NELFB: variants seen among roughly 807,000 people sequenced by gnomAD.
NELFB encodes negative elongation factor B.
NELFB carries 34 observed loss-of-function variants against 60.2 expected under a neutral mutation model. The observed-to-expected ratio is 0.56, with a 90% CI of 0.43 to 0.75. The LOEUF (loss-of-function observed/expected upper bound fraction) is 0.75, where lower values mean the gene tolerates loss of function less well. Among genes scored for constraint, NELFB ranks in the 30% least tolerant of loss-of-function variants. The pLI, the probability that NELFB is intolerant of heterozygous loss-of-function variation, is 0.00. For synonymous variants in NELFB, 459 were observed against 382.1 expected, an observed-to-expected ratio of 1.20 and a Z score of -2.35; for missense variants, 770 against 831.6, an observed-to-expected ratio of 0.93 and a Z score of 0.91.
intron 6 of NELFB, 120 bp downstream of exon 6, chr9:137,264,477 T>G (rs1411475987): frequency 4.0e-6 from 3 of 743,662 alleles, no homozygotes; most frequent in Non-Finnish European, 6.6e-6. Flanking sequence ...TTTCTTTTGT[T>G]TTTTTCGAGA....
At chr9:137,257,899 C>T (rs1837582239) in intron 4 of NELFB, among the ~76,000 whole-genome samples, 2 of 151,734 alleles carry the variant, frequency 1.3e-5, no homozygotes, top group South Asian at 4.2e-4. Flanking sequence ...GCTTTGACTT[C>T]CTGAGCTAAA....
intron 6 of NELFB, among the ~76,000 whole-genome samples, chr9:137,265,060 A>G (rs1470165771): frequency 1.7e-5 from 2 of 117,190 alleles, no homozygotes; most frequent in Admixed American, 1.0e-4. Flanking sequence ...TTTTTCTGAG[A>G]CAGGGTCTCT....
At position 137,255,552 on chromosome 9, in the gene NELFB, G is replaced by C. The variant is rs1267945847; in HGVS notation, c.187G>C (p.Asp63His). The change falls in exon 1 of 13, where the codon GAC (aspartate) becomes CAC (histidine). Residue 63 changes from aspartate (D) to histidine (H), a missense_variant. Transcript: ENST00000343053. ...GGACCTGGGCGTGGCCAACGGCGAGGACCTGAAGGAGACCCTGACCAACTG... is the reference window on the plus strand; with the variant it reads ...GGACCTGGGCGTGGCCAACGGCGAGCACCTGAAGGAGACCCTGACCAACTG... The C allele has an allele frequency of 1.4e-5, 21 of 1,549,106 alleles. No individual in the cohort carries two copies. The highest frequency in any genetic ancestry group is 1.7e-5 in the Non-Finnish European group (20 of 1,146,920).
intron 1 of NELFB, 27 bp from the exon 2 acceptor site, chr9:137,255,880 G>GT: frequency 6.2e-7 from 1 of 1,610,572 alleles, no homozygotes; most frequent in South Asian, 1.1e-5. Context: ...ACTGGGCTGC[G>GT]TTTGAGGTTT....
At chr9:137,261,583 G>A (rs890152524) in intron 4 of NELFB, among the ~76,000 whole-genome samples, 1 of 151,612 alleles carries the variant, frequency 6.6e-6, no homozygotes, top group Admixed American at 6.6e-5. Flanking sequence ...GCTTGAATCC[G>A]GGAGGTGGAG....
chr9:137,259,642 T>TTTTTA (rs901200094), intron 4 of NELFB, among the ~76,000 whole-genome samples: 1 of 151,470 alleles, frequency 6.6e-6, no homozygotes, highest in Admixed American at 6.6e-5. Flanking sequence ...TTCTCTTTTA[T>TTTTTA]TTTTATTTTA....
In NELFB at chr9:137,256,044, C is replaced by A. The variant is rs1180059248; in HGVS notation, c.384C>A (p.Ile128=). 1 of 1,613,666 alleles carries A rather than the reference C, an allele frequency of 6.2e-7. No individual in the cohort carries two copies. Among genetic ancestry groups the A allele is most frequent in the East Asian group, 2.2e-5 (1 of 44,874 alleles). ...AGCTGCTGGAGCGAGTGTCAGCCATCGCTTCGGAGGGGAAGGCTGAGGAAA... is the reference window on the plus strand; with the variant it reads ...AGCTGCTGGAGCGAGTGTCAGCCATAGCTTCGGAGGGGAAGGCTGAGGAAA... Residue 128 remains isoleucine (I), a synonymous_variant, in exon 2 of 13, where the codon ATC becomes ATA. Coordinates refer to ENST00000343053, the MANE Select transcript of NELFB (RefSeq NM_015456.5).
At chr9:137,258,621 T>G (rs9330196) in intron 4 of NELFB, among the ~76,000 whole-genome samples, 103,882 of 151,216 alleles carry the variant, frequency 0.69, 36,319 homozygotes, top group Admixed American at 0.77. Context: ...GCTAATTTTT[T>G]TATTTTTTTG....
chr9:137,270,417 C>A (rs193101517), intron 10 of NELFB, among the ~76,000 whole-genome samples: 1 of 150,772 alleles, frequency 6.6e-6, no homozygotes, highest in Non-Finnish European at 1.5e-5. Flanking sequence ...ATGGTGGAAT[C>A]CCATCTCTAT....
At chr9:137,271,902 C>T (rs1282392301) in intron 10 of NELFB, among the ~76,000 whole-genome samples, 179 bp from the exon 11 acceptor site, 1 of 151,564 alleles carries the variant, frequency 6.6e-6, no homozygotes, top group East Asian at 1.9e-4. Flanking sequence ...CCCTGCCTGC[C>T]TCTGTCCACT....
In NELFB at chr9:137,272,818, G is replaced by A. The variant is rs1414606352; in HGVS notation, c.1777G>A (p.Gly593Ser). 15 of 1,549,864 alleles carry A rather than the reference G, an allele frequency of 9.7e-6. No individual in the cohort carries two copies. Among genetic ancestry groups the A allele is most frequent in the East Asian group, 4.9e-5 (2 of 40,924 alleles). ...AGTGAAGGAGCTTTACTCCCAGCTCGGCGAGAAGCTGGAACAGCTGGATCA... is the reference window on the plus strand; with the variant it reads ...AGTGAAGGAGCTTTACTCCCAGCTCAGCGAGAAGCTGGAACAGCTGGATCA... The change falls in exon 13 of 13, where the codon GGC becomes AGC. Residue 593 changes from glycine (G) to serine (S), a missense_variant. Coordinates refer to ENST00000343053, the MANE Select transcript of NELFB (RefSeq NM_015456.5).
chr9:137,270,784 G>A (rs762362829), intron 10 of NELFB, among the ~76,000 whole-genome samples: 2 of 151,910 alleles, frequency 1.3e-5, no homozygotes, highest in Non-Finnish European at 2.9e-5. Flanking sequence ...AGCCCGGCGC[G>A]GTGGCGCACG....
chr9:137,271,949 T>G (rs887369769), intron 10 of NELFB, 132 bp from the exon 11 acceptor site: 22 of 1,198,378 alleles, frequency 1.8e-5, no homozygotes, highest in Admixed American at 4.1e-5. Flanking sequence ...ACCCTGTGCT[T>G]CTCATCTCAG....
intron 4 of NELFB, among the ~76,000 whole-genome samples, chr9:137,261,657 CAAAAA>C (rs56873736): frequency 7.1e-6 from 1 of 140,206 alleles, no homozygotes; most frequent in Non-Finnish European, 1.5e-5. Context: ...GACTCCGTCT[CAAAAA>C]AAAAAAAAAA....
At chr9:137,263,895 C>T (rs533127515) in intron 5 of NELFB, among the ~76,000 whole-genome samples, 2 of 152,300 alleles carry the variant, frequency 1.3e-5, no homozygotes, top group East Asian at 1.9e-4. Flanking sequence ...CGGGGTTTCC[C>T]TTCATACGGA....
intron 10 of NELFB, among the ~76,000 whole-genome samples, chr9:137,270,442 T>C (rs923528959): frequency 6.8e-6 from 1 of 147,122 alleles, no homozygotes; most frequent in Non-Finnish European, 1.5e-5. Context: ...AATACAGAAA[T>C]TAGCCGCGTG....
chr9:137,258,902 G>A (rs1837600756), intron 4 of NELFB, among the ~76,000 whole-genome samples: 1 of 152,172 alleles, frequency 6.6e-6, no homozygotes, highest in African/African-American at 2.4e-5. Context: ...CTTTCAGCAT[G>A]TAATTCATGT....
intron 4 of NELFB, among the ~76,000 whole-genome samples, chr9:137,261,218 T>C (rs1318351108): frequency 6.6e-6 from 1 of 151,486 alleles, no homozygotes; most frequent in Non-Finnish European, 1.5e-5. Context: ...TGGGTGCCTG[T>C]AGTCCCAGCT....
intron 11 of NELFB, 96 bp downstream of exon 11, chr9:137,272,318 G>A: frequency 5.8e-6 from 9 of 1,556,694 alleles, no homozygotes; most frequent in Non-Finnish European, 7.9e-6. Flanking sequence ...TGGGGCGGAG[G>A]GTCCGCAGGT....
Sources: gnomAD v4.1 joint callset for allele counts (sites outside exome capture counted in the v4.1 genomes callset) on GRCh38, gnomAD v4.1.1 for gene constraint, MANE v1.5 for transcripts, NCBI Gene and HGNC (gene_info 2026-07-23, HGNC 2026-07-21) for gene names.